The following MAN1A2 variants were observed in gnomAD, a reference collection of about 807,000 sequenced individuals.
MAN1A2 encodes mannosidase alpha class 1A member 2, also known as mannosyl-oligosaccharide 1,2-alpha-mannosidase IB.
MAN1A2 carries 26 observed loss-of-function variants against 75.7 expected under a neutral mutation model. The ratio of observed to expected loss-of-function variants is 0.34; its 90% CI spans 0.25 to 0.48. MAN1A2 has a LOEUF of 0.48. Among genes scored for constraint, MAN1A2 ranks in the 20% least tolerant of loss-of-function variants. MAN1A2 has a pLI of 0.99. For synonymous variants in MAN1A2, 247 were observed against 264.6 expected (o/e 0.93, Z 0.65); for missense variants, 562 against 775.5 (o/e 0.72, Z 3.27).
At chr1:117,476,976 C>T (rs1650334021) in intron 8 of MAN1A2, among the ~76,000 whole-genome samples, 1 of 151,978 alleles carries the variant, frequency 6.6e-6, no homozygotes, top group Non-Finnish European at 1.5e-5. Flanking sequence ...GATATTGATT[C>T]TTCATATTCA....
chr1:117,388,889 A>G (rs941313503), intron 1 of MAN1A2, among the ~76,000 whole-genome samples: 2 of 152,212 alleles, frequency 1.3e-5, no homozygotes, highest in Non-Finnish European at 2.9e-5. Flanking sequence ...AATTATTTTC[A>G]TGTCTTCACA....
At chr1:117,414,018 C>T (rs1203370064) in intron 3 of MAN1A2, among the ~76,000 whole-genome samples, 1 of 151,670 alleles carries the variant, frequency 6.6e-6, no homozygotes, top group Non-Finnish European at 1.5e-5. Flanking sequence ...ATTCTTCCCT[C>T]TCTTCCTCCC....
chr1:117,405,650 G>GTT lies in MAN1A2; in HGVS notation c.655+7_655+8dup. On this transcript the variant is annotated splice_donor_region_variant and intron_variant, in intron 3 of 12. Coordinates refer to ENST00000356554, the MANE Select transcript of MAN1A2 (RefSeq NM_006699.5). ...GACACTCCCCTAACATATTTGGTAA[G>GTT]TTTACTTTTTCTAATTACTATTTCC... 6.5e-7 allele frequency: 1 copy of GTT among 1,536,930 alleles called. No homozygotes were observed.
Position 117,514,766 on chromosome 1 carries a change from A to G in MAN1A2, c.1794-8059A>G, listed in dbSNP as rs540942954. ...TGGGTGAGGATTCTCAGATGAGGGGAAAAAACGGTTAGAGAAGACTGAAAA... is the reference window on the plus strand; with the variant it reads ...TGGGTGAGGATTCTCAGATGAGGGGGAAAAACGGTTAGAGAAGACTGAAAA... On this transcript the variant is annotated intron_variant, in intron 12 of 12. Coordinates refer to ENST00000356554, the MANE Select transcript of MAN1A2 (RefSeq NM_006699.5). The G allele has an allele frequency of 7.8e-6, 4 of 515,132 alleles. No homozygotes were observed. The East Asian group carries it at 2.2e-4, about 28-fold the overall frequency. The allele number at this position is 515,132 out of a possible 1,614,324, so 31.9% of individuals were successfully genotyped here.
chr1:117,525,013 T>A lies in MAN1A2; in HGVS notation c.*2056T>A. ...CAAAGATGCAGAGCAGCAGTGCAGATGGCAATGAACTCTCTGAATTCTCTT... is the reference window on the plus strand; with the variant it reads ...CAAAGATGCAGAGCAGCAGTGCAGAAGGCAATGAACTCTCTGAATTCTCTT... On this transcript the variant is annotated 3_prime_UTR_variant, in exon 13 of 13. Coordinates refer to ENST00000356554, the MANE Select transcript of MAN1A2 (RefSeq NM_006699.5). 1 of 458,606 alleles carries A rather than the reference T, an allele frequency of 2.2e-6. No homozygotes were observed. Among genetic ancestry groups the A allele is most frequent in the Non-Finnish European group, 4.5e-6 (1 of 220,780 alleles). The allele number at this position is 458,606 out of a possible 1,614,324, so 28.4% of individuals were successfully genotyped here.
At chr1:117,417,326 G>A (rs1648025856) in intron 4 of MAN1A2, among the ~76,000 whole-genome samples, 2 of 151,376 alleles carry the variant, frequency 1.3e-5, no homozygotes, top group South Asian at 2.1e-4. Context: ...TAACTATTAA[G>A]TTTGATATAT....
intron 12 of MAN1A2, among the ~76,000 whole-genome samples, chr1:117,513,549 A>G (rs1017852972): frequency 3.3e-5 from 5 of 152,040 alleles, no homozygotes; most frequent in African/African-American, 4.8e-5. Flanking sequence ...CCATTTGGCT[A>G]CACTTAATCT....
At chr1:117,493,323 G>T in intron 9 of MAN1A2, 61 bp downstream of exon 9, 1 of 1,022,642 alleles carries the variant, frequency 9.8e-7, no homozygotes, top group South Asian at 1.4e-5. Flanking sequence ...ATTTTGTAGT[G>T]ACTAGATGAA....
rs1456382396 is a variant in MAN1A2 at position 117,526,823 on chromosome 1, G to A, written c.*3866G>A. On this transcript the variant is annotated 3_prime_UTR_variant, in exon 13 of 13. Transcript: ENST00000356554. ...CTTTAGGTTTCCTTATACTCAAATT[G>A]GCTAGGTCCTATCTTTTCCTCTCTC... The A allele has an allele frequency of 1.6e-5, 2 of 128,614 alleles. 1 individual carries two copies. Among genetic ancestry groups the A allele is most frequent in the Admixed American group, 1.7e-4 (2 of 11,738 alleles). 8.0% of individuals were successfully genotyped at this position (128,614 alleles called of 1,614,324 possible). A position where few individuals can be genotyped will look rare whatever the true frequency, so the allele number is the denominator to read the frequency against.
At position 117,523,113 on chromosome 1, in the gene MAN1A2, C is replaced by A; in HGVS notation, c.*156C>A. The A allele has an allele frequency of 1.2e-6, 1 of 802,448 alleles. No homozygotes were observed. The highest frequency in any genetic ancestry group is 2.1e-6 in the Non-Finnish European group (1 of 470,656). 49.7% of individuals were successfully genotyped at this position (802,448 alleles called of 1,614,324 possible). A position where few individuals can be genotyped will look rare whatever the true frequency, so the allele number is the denominator to read the frequency against. Reference sequence around the variant, plus strand: ...AAGACTGTTCAACTTGTAGATACATCAACTTTGAAATTATTCCATTTTATA... The same window carrying A: ...AAGACTGTTCAACTTGTAGATACATAAACTTTGAAATTATTCCATTTTATA... On this transcript the variant is annotated 3_prime_UTR_variant, in exon 13 of 13. Coordinates refer to ENST00000356554, the MANE Select transcript of MAN1A2 (RefSeq NM_006699.5).
chr1:117,394,719 C>A (rs1276988362), intron 1 of MAN1A2, among the ~76,000 whole-genome samples: 1 of 151,940 alleles, frequency 6.6e-6, no homozygotes, highest in Non-Finnish European at 1.5e-5. Context: ...GAGGGAGCTT[C>A]AAAGGAAGGA....
At chr1:117,503,353 C>T (rs913923467) in intron 12 of MAN1A2, among the ~76,000 whole-genome samples, 6 of 151,446 alleles carry the variant, frequency 4.0e-5, no homozygotes, top group Non-Finnish European at 7.4e-5. Context: ...TGGTCCTGGA[C>T]TCATACCTGA....
At chr1:117,516,815 C>G (rs1004226236) in intron 12 of MAN1A2, among the ~76,000 whole-genome samples, 1 of 152,028 alleles carries the variant, frequency 6.6e-6, no homozygotes, top group African/African-American at 2.4e-5. Context: ...ACTAAGGTAG[C>G]TAGAATTCAC....
At position 117,424,659 on chromosome 1, in the gene MAN1A2, C is replaced by T. The variant is rs1262668234; in HGVS notation, c.855+4010C>T. The stretch of plus-strand genomic sequence containing the variant: ...TCAGCTCTCCTATATGCGTTTCACT[C>T]CTCTGCCTTGAGTCTGCAGTCTGCT... On this transcript the variant is annotated intron_variant, in intron 5 of 12. Coordinates refer to ENST00000356554, the MANE Select transcript of MAN1A2 (RefSeq NM_006699.5). Among the ~76,000 whole-genome samples, 3 of 152,206 alleles carry T rather than the reference C, an allele frequency of 2.0e-5. No individual in the cohort carries two copies. In the East Asian group the frequency reaches 5.8e-4, roughly 29 times the overall value.
chr1:117,468,183 C>A (rs2101844261), intron 8 of MAN1A2, among the ~76,000 whole-genome samples: 1 of 152,204 alleles, frequency 6.6e-6, no homozygotes, highest in East Asian at 1.9e-4. Flanking sequence ...GCAAACACAT[C>A]CTTCTTCACA....
intron 1 of MAN1A2, among the ~76,000 whole-genome samples, chr1:117,383,955 G>A (rs1183003954): frequency 3.3e-5 from 5 of 152,060 alleles, no homozygotes; most frequent in Non-Finnish European, 7.4e-5. Flanking sequence ...ATTTATTTCT[G>A]TAAGGTCAGC....
At chr1:117,405,684 C>T (rs764086104) in intron 3 of MAN1A2, 39 bp downstream of exon 3, 8 of 1,108,258 alleles carry the variant, frequency 7.2e-6, no homozygotes, top group South Asian at 2.6e-5. Flanking sequence ...CCATTTTCTA[C>T]CTCCATCTTT....
intron 5 of MAN1A2, among the ~76,000 whole-genome samples, chr1:117,429,764 C>A (rs1233817656): frequency 9.0e-6 from 1 of 110,676 alleles, no homozygotes; most frequent in Non-Finnish European, 1.9e-5. Context: ...GGGGGCTGAC[C>A]CCCCCACCTC....
Position 117,367,957 on chromosome 1 carries a change from G to A in MAN1A2, c.-227G>A. 4 of 534,040 alleles carry A rather than the reference G, an allele frequency of 7.5e-6. No homozygotes were observed. In the South Asian group the frequency reaches 7.7e-5, roughly 10 times the overall value. The allele number at this position is 534,040 out of a possible 1,614,324, so 33.1% of individuals were successfully genotyped here. ...CCGATGAAGTACAGATGTTGAAGAG[G>A]ATATCGCAGGACCTAAACTTGTGAT... On this transcript the variant is annotated 5_prime_UTR_variant, in exon 1 of 13. Coordinates refer to ENST00000356554, the MANE Select transcript of MAN1A2 (RefSeq NM_006699.5).
Sources: allele counts gnomAD v4.1 joint callset (sites outside exome capture counted in the v4.1 genomes callset), GRCh38; gene constraint gnomAD v4.1.1; transcripts MANE v1.5; gene names NCBI Gene and HGNC (gene_info 2026-07-23, HGNC 2026-07-21).